The following GNG7 variants were observed in gnomAD, a reference collection of about 807,000 sequenced individuals.
GNG7 encodes G protein subunit gamma 7.
Under a neutral mutation model 4.0 loss-of-function variants are expected in GNG7, and 1 was observed. That is an observed-to-expected ratio of 0.25 (90% CI 0.09 to 1.18). GNG7 has a LOEUF of 1.18. Among genes scored for constraint, GNG7 ranks in the 50% most tolerant of loss-of-function variants. GNG7 has a pLI of 0.50. For missense variants in GNG7, 86 were observed against 91.9 expected (o/e 0.94, Z 0.26); for synonymous variants, 34 against 36.9 (o/e 0.92, Z 0.29).
At chr19:2,578,337 C>T (rs890179191) in intron 2 of GNG7, among the ~76,000 whole-genome samples, 3 of 152,110 alleles carry the variant, frequency 2.0e-5, no homozygotes, top group African/African-American at 4.8e-5. Flanking sequence ...CAGCCTAGTG[C>T]CAACTCCTGA....
intron 3 of GNG7, among the ~76,000 whole-genome samples, chr19:2,544,880 T>A (rs752091859): frequency 6.6e-6 from 1 of 151,838 alleles, no homozygotes; most frequent in Admixed American, 6.6e-5. Flanking sequence ...TACCCCACTG[T>A]CCACAGTGCT....
chr19:2,695,274 G>A (rs951742789), intron 1 of GNG7, among the ~76,000 whole-genome samples: 3 of 151,246 alleles, frequency 2.0e-5, no homozygotes, highest in Non-Finnish European at 2.9e-5. Flanking sequence ...ACCTTCCGCA[G>A]CCCCCTCTCT....
intron 3 of GNG7, among the ~76,000 whole-genome samples, chr19:2,526,509 T>C (rs1301214519): frequency 3.2e-5 from 4 of 125,814 alleles, no homozygotes; most frequent in Non-Finnish European, 5.2e-5. Flanking sequence ...CATATATTTA[T>C]ATTTATACTC....
intron 1 of GNG7, among the ~76,000 whole-genome samples, chr19:2,679,803 G>C (rs1983685926): frequency 6.6e-6 from 1 of 152,130 alleles, no homozygotes; most frequent in South Asian, 2.1e-4. Context: ...ATTAACTCCA[G>C]GCACCAGGTA....
chr19:2,658,415 A>C (rs1266514405), intron 1 of GNG7, among the ~76,000 whole-genome samples: 4 of 152,180 alleles, frequency 2.6e-5, no homozygotes, highest in Non-Finnish European at 5.9e-5. Flanking sequence ...TATAAAAATA[A>C]GCCAAGTATA....
intron 2 of GNG7, among the ~76,000 whole-genome samples, chr19:2,576,772 C>T (rs1980354743): frequency 6.6e-6 from 1 of 152,096 alleles, no homozygotes. Context: ...TGGTCTCAAA[C>T]TCCTGAACGC....
intron 3 of GNG7, among the ~76,000 whole-genome samples, chr19:2,521,755 A>C (rs1293875564): frequency 1.3e-5 from 2 of 151,636 alleles, no homozygotes; most frequent in Non-Finnish European, 2.9e-5. Context: ...CTGGGATTAC[A>C]GGCACGTGCC....
At position 2,512,088 on chromosome 19, in the gene GNG7, C is replaced by T. The variant is rs556262618; in HGVS notation, c.*2934G>A. The T allele has an allele frequency of 3.4e-5, 34 of 985,896 alleles. No individual in the cohort carries two copies. Among genetic ancestry groups the T allele is most frequent in the Admixed American group, 1.2e-4 (2 of 16,282 alleles). The allele number at this position is 985,896 out of a possible 1,614,324, so 61.1% of individuals were successfully genotyped here. ...CACCCGACGCTGCCTTGTGTGTGTG[C>T]GTGGGTGGGGGTGAGTGTCCTTAAC... is the stretch of plus-strand genomic sequence containing the variant. On this transcript the variant is annotated 3_prime_UTR_variant, in exon 5 of 5. Transcript: ENST00000382159. The surrounding 1 kb of genome is among the most constrained non-coding windows in gnomAD (Gnocchi z 4.7).
chr19:2,701,988 C>G (rs1403019177), intron 1 of GNG7, among the ~76,000 whole-genome samples: 1 of 150,196 alleles, frequency 6.7e-6, no homozygotes, highest in Admixed American at 6.6e-5. Flanking sequence ...CTCTAGCCCC[C>G]TCCCCAGCAA....
chr19:2,622,961 C>A (rs1052303499), intron 2 of GNG7, among the ~76,000 whole-genome samples: 1 of 152,210 alleles, frequency 6.6e-6, no homozygotes, highest in Admixed American at 6.5e-5. Flanking sequence ...AACATTGGTC[C>A]TTCTTCCTGG....
At chr19:2,696,653 C>T (rs778334236) in intron 1 of GNG7, among the ~76,000 whole-genome samples, 16 of 152,190 alleles carry the variant, frequency 1.1e-4, no homozygotes, top group Non-Finnish European at 2.4e-4. Flanking sequence ...GGCTCTGACG[C>T]AGGCCACAGC....
In GNG7 at chr19:2,605,534, G is replaced by T. The variant is rs185795879; in HGVS notation, c.-78+40690C>A. On this transcript the variant is annotated intron_variant, in intron 2 of 4. Coordinates refer to ENST00000382159, the MANE Select transcript of GNG7 (RefSeq NM_052847.3). ...TTTTTTTTTTTTTTTTTTTTTTTGAGGCAGAGTCTTGCTTTGTTGCCCAGG... is the reference window on the plus strand; with the variant it reads ...TTTTTTTTTTTTTTTTTTTTTTTGATGCAGAGTCTTGCTTTGTTGCCCAGG... Among the ~76,000 whole-genome samples, 22 of 106,050 alleles carry T rather than the reference G, an allele frequency of 2.1e-4. No individual in the cohort carries two copies. The East Asian group carries it at 4.9e-3, about 24-fold the overall frequency. 69.6% of individuals were successfully genotyped at this position (106,050 alleles called of 152,430 possible).
intron 1 of GNG7, among the ~76,000 whole-genome samples, chr19:2,661,680 A>G (rs1036777909): frequency 2.0e-5 from 3 of 151,258 alleles, no homozygotes; most frequent in African/African-American, 7.3e-5. Context: ...TAAAAAAAAA[A>G]AAAAAAAAAA....
At position 2,546,698 on chromosome 19, in the gene GNG7, C is replaced by T. The variant is rs949729159; in HGVS notation, c.-38+8451G>A. 2.0e-5 allele frequency among the ~76,000 whole-genome samples: 3 copies of T among 152,162 alleles called. No homozygotes were observed. Among genetic ancestry groups the T allele is most frequent in the Admixed American group, 6.5e-5 (1 of 15,276 alleles). Reference sequence around the variant, plus strand: ...AGCCGGCTTGTTCAGACAAAGAGGCCGCGACGACAGAGGGTGACGCGCCGC... The same window carrying T: ...AGCCGGCTTGTTCAGACAAAGAGGCTGCGACGACAGAGGGTGACGCGCCGC... On this transcript the variant is annotated intron_variant, in intron 3 of 4. Coordinates refer to ENST00000382159, the MANE Select transcript of GNG7 (RefSeq NM_052847.3). This position sits in a 1 kb window ranked among gnomAD's most constrained non-coding sequence, Gnocchi z 6.3.
intron 2 of GNG7, among the ~76,000 whole-genome samples, chr19:2,596,719 C>T (rs898830843): frequency 3.3e-5 from 5 of 150,870 alleles, no homozygotes; most frequent in East Asian, 3.9e-4. Context: ...TCTCCTTTCA[C>T]GTTCTGCACT....
At chr19:2,604,233 G>A (rs926934943) in intron 2 of GNG7, among the ~76,000 whole-genome samples, 19 of 152,166 alleles carry the variant, frequency 1.2e-4, no homozygotes, top group Non-Finnish European at 2.4e-4. Flanking sequence ...ACTTTGGGAG[G>A]CCGAGGCAGG....
At chr19:2,578,673 G>T (rs1319330668) in intron 2 of GNG7, among the ~76,000 whole-genome samples, 3 of 152,212 alleles carry the variant, frequency 2.0e-5, no homozygotes, top group Non-Finnish European at 4.4e-5. Flanking sequence ...ATTGGGGCTG[G>T]ATCCTTCTCT....
chr19:2,568,628 CAT>C (rs1196388179), intron 2 of GNG7, among the ~76,000 whole-genome samples: 193 of 135,832 alleles, frequency 1.4e-3, no homozygotes, highest in African/African-American at 4.8e-3. Flanking sequence ...CACATACACA[CAT>C]ATATACACAT....
chr19:2,524,702 ATG>A (rs1978338128), intron 3 of GNG7, among the ~76,000 whole-genome samples: 1 of 152,148 alleles, frequency 6.6e-6, no homozygotes, highest in Admixed American at 6.5e-5. Flanking sequence ...GCATACGTGC[ATG>A]TGTGTGGACA....
Sources: allele counts gnomAD v4.1 joint callset (sites outside exome capture counted in the v4.1 genomes callset), GRCh38; gene constraint gnomAD v4.1.1; non-coding constraint Gnocchi (gnomAD v3.1); transcripts MANE v1.5; gene names NCBI Gene and HGNC (gene_info 2026-07-23, HGNC 2026-07-21).